Variants in MCC observed in about 807,000 individuals in gnomAD.
The protein encoded by MCC is colorectal mutant cancer protein.
MCC carries 90 observed loss-of-function variants against 116.2 expected under a neutral mutation model. The ratio of observed to expected loss-of-function variants is 0.77; its 90% confidence interval spans 0.65 to 0.92. The LOEUF is 0.92. Among genes scored for constraint, MCC ranks in the 40% least tolerant of loss-of-function variants. The pLI is 0.00. For missense variants in MCC, 1,516 were observed against 1,312.2 expected (o/e 1.16, Z -2.40); for synonymous variants, 578 against 510.5 (o/e 1.13, Z -1.78).
At chr5:113,335,084 C>T (rs908436408) in intron 3 of MCC, among the ~76,000 whole-genome samples, 2 of 151,718 alleles carry the variant, frequency 1.3e-5, no homozygotes, top group African/African-American at 4.9e-5. Flanking sequence ...ATAGAACAAT[C>T]AGCCTTGCTT....
At chr5:113,048,695 C>A (rs1752279465) in intron 16 of MCC, 1 of 334,428 alleles carries the variant, frequency 3.0e-6, no homozygotes, top group Non-Finnish European at 5.4e-6. Flanking sequence ...CCTGTGGTTT[C>A]AGGCATCTAT....
chr5:113,349,271 G>A (rs186053067), intron 2 of MCC, among the ~76,000 whole-genome samples: 1 of 151,982 alleles, frequency 6.6e-6, no homozygotes, highest in African/African-American at 2.4e-5. Flanking sequence ...CAATATCCCT[G>A]ATGAACACTG....
At chr5:113,415,539 T>C (rs1770120547) in intron 1 of MCC, among the ~76,000 whole-genome samples, 1 of 152,230 alleles carries the variant, frequency 6.6e-6, no homozygotes, top group African/African-American at 2.4e-5. Context: ...ACTGATACCC[T>C]TTCTTCCACT....
chr5:113,451,128 C>T (rs1245608746), intron 1 of MCC, among the ~76,000 whole-genome samples: 1 of 152,132 alleles, frequency 6.6e-6, no homozygotes, highest in Non-Finnish European at 1.5e-5. Context: ...AAATAAGAAC[C>T]CATAGCTGGT....
At chr5:113,218,576 A>T (rs1196782707) in intron 3 of MCC, among the ~76,000 whole-genome samples, 2 of 152,264 alleles carry the variant, frequency 1.3e-5, no homozygotes, top group African/African-American at 4.8e-5. Context: ...AATGAACTTC[A>T]TAACACCAAA....
At chr5:113,462,057 C>A (rs1771759016) in intron 1 of MCC, among the ~76,000 whole-genome samples, 1 of 151,982 alleles carries the variant, frequency 6.6e-6, no homozygotes, top group Non-Finnish European at 1.5e-5. Flanking sequence ...CTGTTAATGC[C>A]CACAAAAAAA....
chr5:113,452,619 C>T lies in MCC; in HGVS notation c.170+35626G>A, dbSNP rs117111558. 1.2e-3 allele frequency among the ~76,000 whole-genome samples: 187 copies of T among 152,322 alleles called. 2 individuals carry two copies. The East Asian group carries it at 0.027, about 22-fold the overall frequency. On this transcript the variant is annotated intron_variant, in intron 1 of 18. Coordinates refer to ENST00000408903, the MANE Select transcript of MCC (RefSeq NM_001085377.2). ...GTGACACATTTCTGTCTTTTATAAG[C>T]TACCTGATTTATGGTATTTTGTTAC...
intron 2 of MCC, among the ~76,000 whole-genome samples, chr5:113,351,298 A>G (rs935295720): frequency 6.6e-6 from 1 of 152,174 alleles, no homozygotes; most frequent in African/African-American, 2.4e-5. Flanking sequence ...GTGTTTATCA[A>G]TAGATGAATG....
intron 1 of MCC, among the ~76,000 whole-genome samples, chr5:113,429,533 A>G (rs1176618706): frequency 6.6e-6 from 1 of 152,222 alleles, no homozygotes; most frequent in Admixed American, 6.5e-5. Context: ...TAAAGCACTT[A>G]TTCCTCACAG....
intron 1 of MCC, among the ~76,000 whole-genome samples, chr5:113,432,397 G>A (rs988568088): frequency 9.2e-5 from 14 of 151,644 alleles, no homozygotes; most frequent in African/African-American, 3.4e-4. Context: ...GTGTACCTGG[G>A]CTTTAACCTT....
chr5:113,423,007 T>A (rs1218470795), intron 1 of MCC, among the ~76,000 whole-genome samples: 1 of 152,206 alleles, frequency 6.6e-6, no homozygotes, highest in Non-Finnish European at 1.5e-5. Context: ...AAATCAATAC[T>A]CATCGTGTTT....
chr5:113,257,556 TGG>T (rs1198608049), intron 3 of MCC, among the ~76,000 whole-genome samples: 1 of 151,946 alleles, frequency 6.6e-6, no homozygotes, highest in Non-Finnish European at 1.5e-5. Context: ...TTGTTGACCT[TGG>T]AGAGAGAAGT....
chr5:113,453,515 C>A (rs561708564), intron 1 of MCC, among the ~76,000 whole-genome samples: 2 of 152,328 alleles, frequency 1.3e-5, no homozygotes, highest in South Asian at 2.1e-4. Context: ...TCCTCCTCCA[C>A]CTCCCTCAGC....
chr5:113,058,612 G>A (rs1055759287), intron 14 of MCC, among the ~76,000 whole-genome samples: 20 of 152,200 alleles, frequency 1.3e-4, no homozygotes, highest in African/African-American at 4.8e-4. Flanking sequence ...TGGCTGCCCT[G>A]GTGGGTGTCA....
chr5:113,430,838 G>A (rs1224311687), intron 1 of MCC, among the ~76,000 whole-genome samples: 1 of 152,158 alleles, frequency 6.6e-6, no homozygotes, highest in Non-Finnish European at 1.5e-5. Flanking sequence ...GTACTCTGAA[G>A]AGAAGCTGGG....
At chr5:113,264,158 G>C (rs1765324325) in intron 3 of MCC, among the ~76,000 whole-genome samples, 3 of 152,176 alleles carry the variant, frequency 2.0e-5, no homozygotes, top group Non-Finnish European at 4.4e-5. Context: ...GCTTCCTAAA[G>C]CCAGCACACT....
intron 5 of MCC, among the ~76,000 whole-genome samples, chr5:113,132,670 G>T (rs574916643): frequency 6.6e-5 from 10 of 152,204 alleles, no homozygotes; most frequent in African/African-American, 1.9e-4. Flanking sequence ...TATTCCTCAA[G>T]GGCCTAGCCC....
At chr5:113,148,978 C>A (rs1166271315) in intron 4 of MCC, among the ~76,000 whole-genome samples, 2 of 152,140 alleles carry the variant, frequency 1.3e-5, no homozygotes, top group Admixed American at 6.5e-5. Context: ...AAAAAATTTT[C>A]CATTATCCTC....
At chr5:113,027,666 C>T (rs931184164) in intron 18 of MCC, among the ~76,000 whole-genome samples, 184 bp from the exon 19 acceptor site, 4 of 152,152 alleles carry the variant, frequency 2.6e-5, no homozygotes, top group Non-Finnish European at 5.9e-5. Flanking sequence ...CAACACTCAA[C>T]GGCCAGTCAC....
Sources: gnomAD v4.1 joint callset for allele counts (sites outside exome capture counted in the v4.1 genomes callset) on GRCh38, gnomAD v4.1.1 for gene constraint, MANE v1.5 for transcripts, NCBI Gene and HGNC (gene_info 2026-07-23, HGNC 2026-07-21) for gene names.